Variants in EZH2 observed in about 807,000 individuals in gnomAD.
EZH2 encodes the protein histone-lysine N-methyltransferase EZH2.
Under a neutral mutation model 98.4 loss-of-function variants are expected in EZH2, and 18 were observed. The observed-to-expected ratio is 0.18, with a 90% CI of 0.13 to 0.27. The LOEUF (loss-of-function observed/expected upper bound fraction) is 0.27. Among genes scored for constraint, EZH2 ranks in the 10% least tolerant of loss-of-function variants. The pLI is 1.00. For missense variants in EZH2, 470 were observed against 935.1 expected (o/e 0.50, Z 6.49); for synonymous variants, 338 against 312.3 (o/e 1.08, Z -0.87).
intron 4 of EZH2, among the ~76,000 whole-genome samples, chr7:148,831,352 T>G (rs1397813287): frequency 1.3e-5 from 2 of 152,056 alleles, no homozygotes; most frequent in African/African-American, 4.8e-5. Flanking sequence ...CTAATCTCAT[T>G]TAAACTAGGG....
intron 1 of EZH2, among the ~76,000 whole-genome samples, chr7:148,854,441 A>AAAAAAAAAAAAATTCT (rs1328489842): frequency 3.6e-4 from 55 of 151,672 alleles, no homozygotes; most frequent in Non-Finnish European, 6.0e-4. Flanking sequence ...GTCTCAAAAA[A>AAAAAAAAAAAAATTCT]AAAAAAAAAA....
chr7:148,823,359 A>G (rs1489490453), intron 8 of EZH2, among the ~76,000 whole-genome samples: 2 of 152,248 alleles, frequency 1.3e-5, no homozygotes. Context: ...CCAGTCCAGT[A>G]AGTTCTGGAA....
At chr7:148,842,739 C>CA (rs376533541) in intron 3 of EZH2, among the ~76,000 whole-genome samples, 114 of 146,122 alleles carry the variant, frequency 7.8e-4, no homozygotes, top group East Asian at 6.7e-3. Context: ...ATCTCAAAAA[C>CA]AAAAAAAAAA....
intron 3 of EZH2, among the ~76,000 whole-genome samples, chr7:148,836,181 T>G (rs1483304218): frequency 6.6e-6 from 1 of 152,258 alleles, no homozygotes; most frequent in East Asian, 1.9e-4. Context: ...TCAAAAAATG[T>G]TTCTGGAATG....
intron 3 of EZH2, among the ~76,000 whole-genome samples, chr7:148,834,352 T>TATATATATACAC (rs1321608007): frequency 2.4e-4 from 35 of 143,318 alleles, no homozygotes; most frequent in African/African-American, 8.9e-4. Context: ...TATATATATA[T>TATATATATACAC]ACACACACAC....
intron 19 of EZH2, 22 bp downstream of exon 19, chr7:148,809,049 G>T (rs1332088546): frequency 3.1e-6 from 5 of 1,600,744 alleles, no homozygotes; most frequent in African/African-American, 2.7e-5. Context: ...TAGAGATCAT[G>T]CTAGAAATGT....
intron 1 of EZH2, among the ~76,000 whole-genome samples, chr7:148,871,218 A>G (rs1380131839): frequency 3.9e-5 from 6 of 152,134 alleles, no homozygotes; most frequent in Admixed American, 1.3e-4. Flanking sequence ...ATGCAGAGAC[A>G]TCGAAACCTT....
intron 3 of EZH2, among the ~76,000 whole-genome samples, chr7:148,843,744 C>T (rs190614133): frequency 0.014 from 2,196 of 151,648 alleles, 24 homozygotes; most frequent in Admixed American, 0.024. Flanking sequence ...TACAGGCGCC[C>T]GCTACCACGC....
chr7:148,810,645 G>T (rs1802778924), intron 16 of EZH2, among the ~76,000 whole-genome samples: 1 of 152,204 alleles, frequency 6.6e-6, no homozygotes, highest in African/African-American at 2.4e-5. Context: ...TATCCTTGGA[G>T]AAAGTGAGGA....
intron 1 of EZH2, among the ~76,000 whole-genome samples, chr7:148,856,977 A>C (rs533146395): frequency 3.3e-5 from 5 of 152,348 alleles, no homozygotes; most frequent in African/African-American, 1.2e-4. Context: ...TGGAAAGGGA[A>C]ACAGTAATGT....
intron 1 of EZH2, among the ~76,000 whole-genome samples, chr7:148,871,577 C>CTTTTTTTTTTTTTTTTTTTT (rs376098406): frequency 6.7e-5 from 9 of 135,244 alleles, no homozygotes; most frequent in African/African-American, 2.5e-4. Flanking sequence ...AGTGTATTTT[C>CTTTTTTTTTTTTTTTTTTTT]TTTTTTTTTT....
In EZH2 at chr7:148,828,673, C is replaced by T. The variant is rs1403572092; in HGVS notation, c.625+67G>A. 28 of 1,534,890 alleles carry T rather than the reference C, an allele frequency of 1.8e-5. No individual in the cohort carries two copies. The South Asian group carries it at 3.5e-4, about 19-fold the overall frequency. ...AGAAAGAAGAAACTAAGCCCTATTT[C>T]TACTCTTTCTACTGTTTTTGAAAGA... On this transcript the variant is annotated intron_variant, in intron 6 of 19. Coordinates refer to ENST00000320356, the MANE Select transcript of EZH2 (RefSeq NM_004456.5).
chr7:148,875,850 G>A (rs1820095861), intron 1 of EZH2, among the ~76,000 whole-genome samples: 1 of 152,146 alleles, frequency 6.6e-6, no homozygotes, highest in Non-Finnish European at 1.5e-5. Context: ...GCCTACAATG[G>A]AATATTAATT....
chr7:148,868,529 C>T (rs1818867942), intron 1 of EZH2, among the ~76,000 whole-genome samples: 1 of 152,146 alleles, frequency 6.6e-6, no homozygotes, highest in Non-Finnish European at 1.5e-5. Context: ...TCAATCACTT[C>T]CCACCAGACC....
chr7:148,853,729 C>G (rs926633666), intron 1 of EZH2, among the ~76,000 whole-genome samples: 2 of 152,204 alleles, frequency 1.3e-5, no homozygotes, highest in African/African-American at 2.4e-5. Context: ...TGTACATGTT[C>G]AGTACACACA....
chr7:148,832,470 T>TA (rs1221794584), intron 4 of EZH2, among the ~76,000 whole-genome samples, 164 bp downstream of exon 4: 3 of 152,188 alleles, frequency 2.0e-5, no homozygotes, highest in Non-Finnish European at 4.4e-5. Flanking sequence ...GCACAGGCCT[T>TA]AAAAAAACTA....
intron 3 of EZH2, among the ~76,000 whole-genome samples, chr7:148,840,777 C>T (rs956582067): frequency 6.6e-6 from 1 of 152,086 alleles, no homozygotes; most frequent in South Asian, 2.1e-4. Flanking sequence ...TTAAGTCAAT[C>T]CCTATTATAA....
At chr7:148,855,630 T>G (rs1816692047) in intron 1 of EZH2, among the ~76,000 whole-genome samples, 1 of 152,196 alleles carries the variant, frequency 6.6e-6, no homozygotes, top group Non-Finnish European at 1.5e-5. Context: ...GTGGGCGCTG[T>G]GGCTCCCGCC....
intron 2 of EZH2, among the ~76,000 whole-genome samples, chr7:148,846,814 C>T (rs1173195272): frequency 6.8e-6 from 1 of 146,400 alleles, no homozygotes; most frequent in East Asian, 2.0e-4. Flanking sequence ...GAACAGGAAA[C>T]GATTGCCATC....
Sources: gnomAD v4.1 joint callset for allele counts (sites outside exome capture counted in the v4.1 genomes callset) on GRCh38, gnomAD v4.1.1 for gene constraint, MANE v1.5 for transcripts, NCBI Gene and HGNC (gene_info 2026-07-23, HGNC 2026-07-21) for gene names.